The following ATG2B variants were observed in gnomAD, a reference collection of about 807,000 sequenced individuals.
ATG2B encodes autophagy-related protein 2 homolog B.
ATG2B carries 121 observed loss-of-function variants against 241.3 expected under a neutral mutation model. The observed-to-expected ratio is 0.50, with a 90% CI of 0.43 to 0.58. ATG2B has a LOEUF of 0.58. Among genes scored for constraint, ATG2B ranks in the 20% least tolerant of loss-of-function variants. The pLI is 0.00. For synonymous variants in ATG2B, 858 were observed against 876.6 expected, an observed-to-expected ratio of 0.98 and a Z score of 0.37; for missense variants, 2,306 against 2,491.6, an observed-to-expected ratio of 0.93 and a Z score of 1.59.
At chr14:96,355,602 T>C (rs1048737723) in intron 1 of ATG2B, among the ~76,000 whole-genome samples, 1 of 152,164 alleles carries the variant, frequency 6.6e-6, no homozygotes, top group African/African-American at 2.4e-5. Context: ...AGGTAATATA[T>C]GTAAAACTAC....
At chr14:96,302,765 G>C (rs1004149866) in intron 33 of ATG2B, among the ~76,000 whole-genome samples, 1 of 152,198 alleles carries the variant, frequency 6.6e-6, no homozygotes, top group African/African-American at 2.4e-5. Context: ...AATGTAAAGA[G>C]TGTTAGAAAT....
chr14:96,362,291 C>T (rs940447318), intron 1 of ATG2B, among the ~76,000 whole-genome samples: 3 of 152,122 alleles, frequency 2.0e-5, no homozygotes, highest in Admixed American at 6.5e-5. Flanking sequence ...GCAGGCAAAC[C>T]GGCACAAGAG....
chr14:96,297,293 T>TA (rs142896282), intron 34 of ATG2B, among the ~76,000 whole-genome samples: 300 of 143,432 alleles, frequency 2.1e-3, no homozygotes, highest in Middle Eastern at 0.014. Context: ...ATTTCCTCTT[T>TA]AAAAAAAAAA....
chr14:96,331,931 T>C (rs1211906907), intron 10 of ATG2B, among the ~76,000 whole-genome samples: 1 of 152,064 alleles, frequency 6.6e-6, no homozygotes, highest in Admixed American at 6.5e-5. Context: ...TCACCAAATT[T>C]TCCTTTAAGC....
chr14:96,308,262 A>G lies in ATG2B; in HGVS notation c.4303+1191T>C, dbSNP rs1438026915. Among the ~76,000 whole-genome samples the G allele has an allele frequency of 2.8e-3, 37 of 13,150 alleles. 2 individuals are homozygous for G. Among genetic ancestry groups the G allele is most frequent in the East Asian group, 5.9e-3 (6 of 1,012 alleles). 8.6% of individuals were successfully genotyped at this position (13,150 alleles called of 152,430 possible). On this transcript the variant is annotated intron_variant, in intron 29 of 41. Coordinates refer to ENST00000359933, the MANE Select transcript of ATG2B (RefSeq NM_018036.7). ...TATATATATATATATACACACATAT[A>G]TATATATATATATATATATATTTTT... is the stretch of plus-strand genomic sequence containing the variant.
intron 6 of ATG2B, 114 bp downstream of exon 6, chr14:96,341,407 CA>C (rs1888031045): frequency 1.3e-6 from 1 of 757,914 alleles, no homozygotes; most frequent in African/African-American, 1.8e-5. Context: ...TCGGTGACAG[CA>C]GTACACTAGT....
intron 1 of ATG2B, among the ~76,000 whole-genome samples, chr14:96,353,467 AC>A (rs1458333244): frequency 4.6e-5 from 7 of 151,620 alleles, no homozygotes; most frequent in Admixed American, 4.6e-4. Context: ...TCTACTAAAA[AC>A]CCAAAAAATT....
chr14:96,315,075 T>G, intron 23 of ATG2B, 79 bp downstream of exon 23: 1 of 1,002,588 alleles, frequency 1.0e-6, no homozygotes, highest in South Asian at 1.4e-5. Flanking sequence ...CATTTATGAC[T>G]TACAAACTTT....
chr14:96,307,486 GAC>G (rs1886985144), intron 29 of ATG2B, among the ~76,000 whole-genome samples: 1 of 152,146 alleles, frequency 6.6e-6, no homozygotes, highest in Admixed American at 6.5e-5. Context: ...ATGTCACAAA[GAC>G]AGTTTCCTCC....
At chr14:96,319,402 T>C (rs894407664) in intron 18 of ATG2B, among the ~76,000 whole-genome samples, 1 of 152,202 alleles carries the variant, frequency 6.6e-6, no homozygotes, top group Admixed American at 6.5e-5. Flanking sequence ...TCAGTACATA[T>C]TTAATGAAAG....
At position 96,363,218 on chromosome 14, in the gene ATG2B, G is replaced by C. The variant is rs61985192; in HGVS notation, c.-242C>G. On this transcript the variant is annotated 5_prime_UTR_variant, in exon 1 of 42. Transcript: ENST00000359933. ...CCCAGGCCAGGGGACTTCCGAGGAG[G>C]GTCCCAACCGGCTCGGAGAGAGTGC... The C allele has an allele frequency of 0.3, 144,942 of 491,030 alleles. 22,477 individuals are homozygous for C. The highest frequency in any genetic ancestry group is 0.41 in the African/African-American group (20,196 of 49,064). The allele number at this position is 491,030 out of a possible 1,614,324, so 30.4% of individuals were successfully genotyped here.
Position 96,317,134 on chromosome 14 carries a change from G to A in ATG2B, c.3210+11C>T. On this transcript the variant is annotated intron_variant, in intron 20 of 41. Coordinates refer to ENST00000359933, the MANE Select transcript of ATG2B (RefSeq NM_018036.7). ...ACATTTGAAAAAACACTTCGGATTT[G>A]TAAACCTCACCTTCACATCTGTGAA... is the stretch of plus-strand genomic sequence containing the variant. The A allele has an allele frequency of 6.3e-7, 1 of 1,592,046 alleles. No homozygotes were observed. Among genetic ancestry groups the A allele is most frequent in the Non-Finnish European group, 8.6e-7 (1 of 1,168,436 alleles).
At position 96,332,683 on chromosome 14, in the gene ATG2B, T is replaced by C. The variant is rs765340875; in HGVS notation, c.1208-28A>G. 4.7e-6 allele frequency: 7 copies of C among 1,501,046 alleles called. No homozygotes were observed. In the Admixed American group the frequency reaches 1.2e-4, roughly 25 times the overall value. The allele number at this position is 1,501,046 out of a possible 1,614,324, so 93.0% of individuals were successfully genotyped here. ...AGAGAGAATTAAACTATGTCACTTG[T>C]ATTATAATCCCACCAATTCAAGTCT... is the stretch of plus-strand genomic sequence containing the variant. On this transcript the variant is annotated intron_variant, in intron 8 of 41. Transcript: ENST00000359933.
intron 29 of ATG2B, 50 bp downstream of exon 29, chr14:96,309,403 T>A: frequency 6.5e-7 from 1 of 1,546,236 alleles, no homozygotes; most frequent in Non-Finnish European, 8.7e-7. Context: ...ACAAATAAAG[T>A]AAGCCCCAAC....
chr14:96,334,333 AC>A (rs1887815436), intron 7 of ATG2B, 71 bp downstream of exon 7: 1 of 879,652 alleles, frequency 1.1e-6, no homozygotes, highest in Non-Finnish European at 1.8e-6. Context: ...ACATGTACAT[AC>A]ATTACATATT....
In ATG2B at chr14:96,288,030, T is replaced by C. The variant is rs1886385970; in HGVS notation, c.6006+1626A>G. On this transcript the variant is annotated intron_variant, in intron 41 of 41. Transcript: ENST00000359933. ...TTAGGAACTTTTTTTTTTTTAACTT[T>C]AATAGAGAATCCAGAGCAAGTCCAA... is the stretch of plus-strand genomic sequence containing the variant. Among the ~76,000 whole-genome samples the C allele has an allele frequency of 2.6e-5, 4 of 151,952 alleles. No individual in the cohort carries two copies. In the South Asian group the frequency reaches 8.3e-4, roughly 32 times the overall value.
intron 7 of ATG2B, 45 bp downstream of exon 7, chr14:96,334,360 A>G (rs1381298244): frequency 4.5e-6 from 6 of 1,325,266 alleles, no homozygotes; most frequent in Non-Finnish European, 6.2e-6. Context: ...GTTTTTTAAA[A>G]TTTAAAAAAG....
Position 96,332,631 on chromosome 14 carries a change from G to A in ATG2B, c.1232C>T (p.Ala411Val), listed in dbSNP as rs762348069. The A allele has an allele frequency of 6.3e-7, 1 of 1,579,582 alleles. No homozygotes were observed. Reference protein sequence around the residue: ...SREEEVFFSMADMDMSHSLSS... With the variant: ...SREEEVFFSMVDMDMSHSLSS... ...GAGACTATGAGACATGTCCATATCA[G>A]CCATGGAGAAGAATACTTCTTCTTC... Residue 411 changes from alanine (A) to valine (V), a missense_variant, in exon 9 of 42, where the codon GCT (alanine) becomes GTT (valine). Physicochemically the swap from Ala to Val is moderately conservative, Grantham distance 64. Coordinates refer to ENST00000359933, the MANE Select transcript of ATG2B (RefSeq NM_018036.7).
chr14:96,305,539 G>T, intron 31 of ATG2B, 50 bp downstream of exon 31: 2 of 1,260,122 alleles, frequency 1.6e-6, no homozygotes, highest in Non-Finnish European at 2.2e-6. Flanking sequence ...ATTTTTCTAA[G>T]AAAAGAATAT....
Sources: allele counts gnomAD v4.1 joint callset (sites outside exome capture counted in the v4.1 genomes callset), GRCh38; gene constraint gnomAD v4.1.1; transcripts MANE v1.5; gene names NCBI Gene and HGNC (gene_info 2026-07-23, HGNC 2026-07-21).